DNAH11: variants seen among roughly 807,000 people sequenced by gnomAD.
DNAH11 encodes dynein axonemal heavy chain 11.
In DNAH11, 442 loss-of-function variants were observed where a neutral mutation model predicts 526.0. That is an observed-to-expected ratio of 0.84 (90% CI 0.78 to 0.91). The LOEUF (loss-of-function observed/expected upper bound fraction) is 0.91. DNAH11 is among the 40% of genes least tolerant of loss of function. The pLI, the probability that DNAH11 is intolerant of heterozygous loss-of-function variation, is 0.00. For synonymous variants in DNAH11, 2,461 were observed against 1,935.9 expected (o/e 1.27, Z -7.12); for missense variants, 6,989 against 5,448.7 (o/e 1.28, Z -8.90).
At chr7:21,743,208 G>T (rs1289182242) in intron 49 of DNAH11, among the ~76,000 whole-genome samples, 1 of 152,234 alleles carries the variant, frequency 6.6e-6, no homozygotes, top group Admixed American at 6.5e-5. Context: ...GATTGAGTGA[G>T]TGAGTGCTTA....
At chr7:21,645,746 A>G (rs1189182070) in intron 28 of DNAH11, among the ~76,000 whole-genome samples, 3 of 152,174 alleles carry the variant, frequency 2.0e-5, no homozygotes, top group Non-Finnish European at 2.9e-5. Flanking sequence ...TCTAAAAATC[A>G]GATATCTAAA....
intron 35 of DNAH11, among the ~76,000 whole-genome samples, chr7:21,694,633 T>C (rs1783770889): frequency 6.6e-6 from 1 of 152,230 alleles, no homozygotes; most frequent in Non-Finnish European, 1.5e-5. Context: ...AAGTCTTTGC[T>C]ATTGTAAATA....
chr7:21,803,387 A>G (rs1405212554), intron 62 of DNAH11, among the ~76,000 whole-genome samples: 1 of 151,964 alleles, frequency 6.6e-6, no homozygotes, highest in Non-Finnish European at 1.5e-5. Flanking sequence ...GTGGACATTC[A>G]CCCTCATGCA....
At chr7:21,724,276 ATAATTT>A (rs1784990120) in intron 44 of DNAH11, among the ~76,000 whole-genome samples, 2 of 152,334 alleles carry the variant, frequency 1.3e-5, no homozygotes, top group Admixed American at 6.5e-5. Context: ...CAATCTGAAA[ATAATTT>A]AAATGAACCT....
At chr7:21,719,553 A>G (rs1178277180) in intron 43 of DNAH11, among the ~76,000 whole-genome samples, 2 of 152,204 alleles carry the variant, frequency 1.3e-5, no homozygotes, top group African/African-American at 4.8e-5. Flanking sequence ...GGCTTCTACT[A>G]AAAAATAACA....
chr7:21,705,246 T>A (rs1784219898), intron 38 of DNAH11, among the ~76,000 whole-genome samples: 1 of 152,170 alleles, frequency 6.6e-6, no homozygotes. Context: ...CGTAAAATCG[T>A]GGGTTGGCTT....
At chr7:21,552,467 T>G in intron 2 of DNAH11, among the ~76,000 whole-genome samples, 1 of 152,216 alleles carries the variant, frequency 6.6e-6, no homozygotes, top group East Asian at 1.9e-4. Flanking sequence ...TCCTAAATAT[T>G]TAACTTCTTT....
intron 61 of DNAH11, among the ~76,000 whole-genome samples, chr7:21,791,628 C>T (rs1321033396): frequency 6.6e-6 from 1 of 152,196 alleles, no homozygotes; most frequent in East Asian, 1.9e-4. Context: ...GGGCAAGCTC[C>T]TTCAGCTTAC....
rs148740160 is a variant in DNAH11, at chr7:21,576,305, C to T, written c.1593+4332C>T. On this transcript the variant is annotated intron_variant, in intron 8 of 81. Transcript: ENST00000409508. ...CCTGCCTGAAAGGCCTCAGCAAGCA[C>T]GGCGGCCACAAACAACCCTTGAAAA... is the stretch of plus-strand genomic sequence containing the variant. 5.8e-4 allele frequency among the ~76,000 whole-genome samples: 88 copies of T among 152,264 alleles called. 1 individual carries two copies. The highest frequency in any genetic ancestry group is 1.9e-3 in the African/African-American group (80 of 41,550).
At chr7:21,850,387 A>T (rs533269558) in intron 66 of DNAH11, among the ~76,000 whole-genome samples, 1 of 151,618 alleles carries the variant, frequency 6.6e-6, no homozygotes, top group Non-Finnish European at 1.5e-5. Flanking sequence ...AAAAAGAAAA[A>T]AAATTCTTCA....
Position 21,765,705 on chromosome 7 carries a change from A to G in DNAH11, c.9102+116A>G, listed in dbSNP as rs1390756639. ...AAGTGCTTTCCACAGTACATCTCCTATCAGAAAGCTATCCTGATTTGTTTA... is the reference window on the plus strand; with the variant it reads ...AAGTGCTTTCCACAGTACATCTCCTGTCAGAAAGCTATCCTGATTTGTTTA... On this transcript the variant is annotated intron_variant, in intron 55 of 81. Coordinates refer to ENST00000409508, the MANE Select transcript of DNAH11 (RefSeq NM_001277115.2). 3.9e-6 allele frequency: 5 copies of G among 1,282,600 alleles called. No homozygotes were observed. In the East Asian group the frequency reaches 7.7e-5, roughly 20 times the overall value. The allele number at this position is 1,282,600 out of a possible 1,614,324, so 79.5% of individuals were successfully genotyped here. A position where few individuals can be genotyped will look rare whatever the true frequency, so the allele number is the denominator to read the frequency against.
intron 74 of DNAH11, among the ~76,000 whole-genome samples, chr7:21,875,412 C>T (rs1011175144): frequency 3.3e-5 from 5 of 151,886 alleles, no homozygotes; most frequent in Non-Finnish European, 7.4e-5. Context: ...CTTTTTTGTT[C>T]GTTTGTTTGT....
At chr7:21,656,040 A>C (rs778618705) in intron 29 of DNAH11, 59 bp downstream of exon 29, 59 of 1,482,022 alleles carry the variant, frequency 4.0e-5, no homozygotes, top group Non-Finnish European at 5.1e-5. Context: ...TGCTCTTAGA[A>C]GGTTGAGTTC....
At chr7:21,679,159 A>G (rs188286810) in intron 30 of DNAH11, among the ~76,000 whole-genome samples, 1 of 152,192 alleles carries the variant, frequency 6.6e-6, no homozygotes, top group African/African-American at 2.4e-5. Context: ...CAAATACTGC[A>G]TAATCTCACT....
intron 65 of DNAH11, among the ~76,000 whole-genome samples, chr7:21,822,898 G>T (rs1279977999): frequency 7.4e-6 from 1 of 134,940 alleles, no homozygotes; most frequent in Non-Finnish European, 1.6e-5. Flanking sequence ...CCATTTGTAT[G>T]TCTTCTTTTG....
intron 11 of DNAH11, 139 bp downstream of exon 11, chr7:21,588,775 G>C (rs942369176): frequency 2.1e-6 from 2 of 945,480 alleles, no homozygotes; most frequent in Admixed American, 5.4e-5. Context: ...TTTGTGGAGA[G>C]GGATTCATTC....
chr7:21,582,295 A>C (rs1004770069), intron 9 of DNAH11, among the ~76,000 whole-genome samples: 4 of 152,236 alleles, frequency 2.6e-5, no homozygotes, highest in African/African-American at 4.8e-5. Context: ...TGGCCTGGCC[A>C]ATGAAATATT....
chr7:21,617,795 C>A lies in DNAH11; in HGVS notation c.4254+18C>A. On this transcript the variant is annotated intron_variant, in intron 23 of 81. Coordinates refer to ENST00000409508, the MANE Select transcript of DNAH11 (RefSeq NM_001277115.2). ...CTATTGGGGTCAGTATCCTTGGTCTCACTAATGAACCTTTTTATGACTGTG... is the reference window on the plus strand; with the variant it reads ...CTATTGGGGTCAGTATCCTTGGTCTAACTAATGAACCTTTTTATGACTGTG... 6.4e-7 allele frequency: 1 copy of A among 1,556,610 alleles called. No homozygotes were observed. The highest frequency in any genetic ancestry group is 1.2e-5 in the South Asian group (1 of 81,740).
chr7:21,642,468 T>A (rs1409644984), intron 28 of DNAH11, among the ~76,000 whole-genome samples: 2 of 152,170 alleles, frequency 1.3e-5, no homozygotes, highest in African/African-American at 2.4e-5. Context: ...TAGTGTGATC[T>A]TGCCACACTC....
Sources: gnomAD v4.1 joint callset for allele counts (sites outside exome capture counted in the v4.1 genomes callset) on GRCh38, gnomAD v4.1.1 for gene constraint, MANE v1.5 for transcripts, NCBI Gene and HGNC (gene_info 2026-07-23, HGNC 2026-07-21) for gene names.